The following KCNC2 variants were observed in gnomAD, a reference collection of about 807,000 sequenced individuals.
The protein encoded by KCNC2 is voltage-gated potassium channel KCNC2.
In KCNC2, 21 loss-of-function variants were observed where a neutral mutation model predicts 44.5. The ratio of observed to expected loss-of-function variants is 0.47; its 90% confidence interval spans 0.33 to 0.68. The LOEUF (loss-of-function observed/expected upper bound fraction) is 0.68, where lower values mean the gene tolerates loss of function less well. Among genes scored for constraint, KCNC2 ranks in the 30% least tolerant of loss-of-function variants. The pLI is 0.01. For missense variants in KCNC2, 589 were observed against 826.2 expected, an observed-to-expected ratio of 0.71 and a Z score of 3.52; for synonymous variants, 391 against 339.1, an observed-to-expected ratio of 1.15 and a Z score of -1.68.
intron 2 of KCNC2, among the ~76,000 whole-genome samples, chr12:75,075,486 C>CAT (rs750311682): frequency 0.067 from 8,668 of 130,010 alleles, 358 homozygotes; most frequent in Non-Finnish European, 0.1. Context: ...TATATATACA[C>CAT]ATATATATAT....
At chr12:75,055,330 A>G (rs1881623310) in intron 2 of KCNC2, among the ~76,000 whole-genome samples, 1 of 152,088 alleles carries the variant, frequency 6.6e-6, no homozygotes, top group Non-Finnish European at 1.5e-5. Flanking sequence ...TTGAAGCAAA[A>G]AAAAAAGCCA....
intron 2 of KCNC2, among the ~76,000 whole-genome samples, chr12:75,198,114 A>G (rs1312564201): frequency 1.3e-5 from 2 of 151,948 alleles, no homozygotes; most frequent in African/African-American, 4.8e-5. Context: ...TAATGTCACT[A>G]AAGCCTAATA....
In KCNC2 at chr12:75,163,538, A is replaced by G. The variant is rs546090304; in HGVS notation, c.687+43759T>C. 3.3e-4 allele frequency among the ~76,000 whole-genome samples: 50 copies of G among 151,864 alleles called. No homozygotes were observed. In the South Asian group the frequency reaches 3.9e-3, roughly 12 times the overall value. ...TTAAAGACTGCTAAGCACTAAACGC[A>G]ACATTAAGCACACACATATTCCTGT... On this transcript the variant is annotated intron_variant, in intron 2 of 4. Coordinates refer to ENST00000549446, the MANE Select transcript of KCNC2 (RefSeq NM_139137.4).
At chr12:75,081,038 T>C (rs1884451826) in intron 2 of KCNC2, among the ~76,000 whole-genome samples, 1 of 152,132 alleles carries the variant, frequency 6.6e-6, no homozygotes, top group Non-Finnish European at 1.5e-5. Context: ...GGATAAAATT[T>C]ACAATTTTCA....
rs116999160 is a variant in KCNC2, at chr12:75,075,988, A to G, written c.688-24671T>C. Among the ~76,000 whole-genome samples the G allele has an allele frequency of 2.2e-4, 34 of 151,824 alleles. No homozygotes were observed. The East Asian group carries it at 5.9e-3, about 26-fold the overall frequency. On this transcript the variant is annotated intron_variant, in intron 2 of 4. Transcript: ENST00000549446. ...AAACTATTGGTCCAAAGATTTTTCA[A>G]ATGGAAATGTTGTATACATATCTTG...
At chr12:75,082,544 TACA>T (rs1413603851) in intron 2 of KCNC2, among the ~76,000 whole-genome samples, 1 of 147,574 alleles carries the variant, frequency 6.8e-6, no homozygotes, top group African/African-American at 2.5e-5. Flanking sequence ...TTTTTTTGCC[TACA>T]ACATTTAATC....
chr12:75,161,013 T>G (rs2137524695), intron 2 of KCNC2, among the ~76,000 whole-genome samples: 1 of 151,784 alleles, frequency 6.6e-6, no homozygotes, highest in Non-Finnish European at 1.5e-5. Flanking sequence ...AACAGAATGT[T>G]GTATTTGCAT....
chr12:75,045,619 T>C lies in KCNC2; in HGVS notation c.1781-2378A>G, dbSNP rs537763329. 1.7e-4 allele frequency among the ~76,000 whole-genome samples: 26 copies of C among 152,086 alleles called. 1 individual carries two copies. In the South Asian group the frequency reaches 5.2e-3, roughly 30 times the overall value. On this transcript the variant is annotated intron_variant, in intron 4 of 4. Transcript: ENST00000549446. ...GTTGAACTTATTTTGAACTAACTTC[T>C]AGATATACAGCATTCATTTTAAATA...
intron 2 of KCNC2, among the ~76,000 whole-genome samples, chr12:75,113,307 T>G (rs1476602995): frequency 1.3e-5 from 2 of 152,172 alleles, no homozygotes; most frequent in Non-Finnish European, 2.9e-5. Context: ...CATACTTAAG[T>G]TTCATAATAA....
intron 2 of KCNC2, among the ~76,000 whole-genome samples, chr12:75,077,938 A>C (rs1010910357): frequency 6.6e-6 from 1 of 152,140 alleles, no homozygotes; most frequent in Non-Finnish European, 1.5e-5. Context: ...TTACATATTT[A>C]GTCATTCTGA....
intron 2 of KCNC2, among the ~76,000 whole-genome samples, chr12:75,057,958 T>A (rs995857330): frequency 2.6e-5 from 4 of 151,958 alleles, no homozygotes; most frequent in Non-Finnish European, 5.9e-5. Context: ...GAATTGTAAT[T>A]GTTTGTTTAG....
At chr12:75,057,754 T>C (rs1881900520) in intron 2 of KCNC2, among the ~76,000 whole-genome samples, 1 of 151,954 alleles carries the variant, frequency 6.6e-6, no homozygotes, top group Non-Finnish European at 1.5e-5. Flanking sequence ...TAAAGATTGT[T>C]ATAGAAATAG....
At chr12:75,170,117 A>G (rs1891714584) in intron 2 of KCNC2, among the ~76,000 whole-genome samples, 1 of 151,776 alleles carries the variant, frequency 6.6e-6, no homozygotes, top group Admixed American at 6.6e-5. Context: ...CTCAAGGTGA[A>G]GTCACTAGAA....
At chr12:75,174,130 T>C (rs1892017144) in intron 2 of KCNC2, among the ~76,000 whole-genome samples, 1 of 136,594 alleles carries the variant, frequency 7.3e-6, no homozygotes, top group Non-Finnish European at 1.6e-5. Flanking sequence ...TCTTCACAGT[T>C]CTAACTTTTT....
At chr12:75,047,010 G>A (rs1880599795) in intron 4 of KCNC2, among the ~76,000 whole-genome samples, 1 of 151,832 alleles carries the variant, frequency 6.6e-6, no homozygotes, top group East Asian at 1.9e-4. Context: ...AATTCAATAG[G>A]GAGAAACTCC....
In KCNC2 at chr12:75,076,080, C is replaced by CACAT. The variant is rs1342702498; in HGVS notation, c.688-24764_688-24763insATGT. 3.3e-5 allele frequency among the ~76,000 whole-genome samples: 5 copies of CACAT among 149,514 alleles called. No homozygotes were observed. In the South Asian group the frequency reaches 1.1e-3, roughly 32 times the overall value. Reference sequence around the variant, plus strand: ...ACACACACACACACACACACACACACGCTTACAAACAAACCGAAAAGAATA... The same window carrying CACAT: ...ACACACACACACACACACACACACACACATGCTTACAAACAAACCGAAAAGAATA... On this transcript the variant is annotated intron_variant, in intron 2 of 4. Transcript: ENST00000549446.
intron 4 of KCNC2, among the ~76,000 whole-genome samples, chr12:75,047,456 A>G (rs1013616940): frequency 6.6e-6 from 1 of 152,108 alleles, no homozygotes; most frequent in Non-Finnish European, 1.5e-5. Flanking sequence ...TTATTCATTC[A>G]ATCAAGATTT....
intron 2 of KCNC2, among the ~76,000 whole-genome samples, chr12:75,125,640 A>T (rs934497462): frequency 6.6e-6 from 1 of 152,182 alleles, no homozygotes; most frequent in African/African-American, 2.4e-5. Flanking sequence ...TTCTGTTTTC[A>T]TATCACTTTT....
At chr12:75,080,358 C>T (rs190491692) in intron 2 of KCNC2, among the ~76,000 whole-genome samples, 163 of 151,838 alleles carry the variant, frequency 1.1e-3, no homozygotes, top group African/African-American at 3.4e-3. Flanking sequence ...TTTCCACATT[C>T]GTGCATAAGC....
Sources: allele counts gnomAD v4.1 joint callset (sites outside exome capture counted in the v4.1 genomes callset), GRCh38; gene constraint gnomAD v4.1.1; transcripts MANE v1.5; gene names NCBI Gene and HGNC (gene_info 2026-07-23, HGNC 2026-07-21).